Variants in TJP2 observed in about 807,000 individuals in gnomAD.
The protein encoded by TJP2 is tight junction protein 2.
In TJP2, 91 loss-of-function variants were observed where a neutral mutation model predicts 133.1. The observed-to-expected ratio is 0.68, with a 90% CI of 0.58 to 0.81. TJP2 has a LOEUF of 0.81. Ranked by LOEUF, TJP2 falls within the 40% of genes least tolerant of loss-of-function variation. The pLI is 0.00. For synonymous variants in TJP2, 592 were observed against 583.4 expected (o/e 1.01, Z -0.21); for missense variants, 1,541 against 1,565.6 (o/e 0.98, Z 0.26).
rs562558275 is a variant in TJP2, at chr9:69,161,448, C to A, written c.-10+9677C>A. ...TTCACCATCTTGGCTAGGCAGGTCT[C>A]GAACTCCTGACTTCGTGATCCATCC... On this transcript the variant is annotated intron_variant, in intron 2 of 5. Transcript: ENST00000423935. Among the ~76,000 whole-genome samples the A allele has an allele frequency of 1.0e-3, 154 of 152,194 alleles. 1 individual carries two copies. The highest frequency in any genetic ancestry group is 3.6e-3 in the African/African-American group (150 of 41,534).
intron 11 of TJP2, among the ~76,000 whole-genome samples, 156 bp downstream of exon 11, chr9:69,230,388 A>C (rs1588117820): frequency 6.6e-6 from 1 of 152,168 alleles, no homozygotes; most frequent in Admixed American, 6.5e-5. Context: ...TATTCCTCAA[A>C]TGCGTCCTGT....
chr9:69,220,772 G>A, intron 4 of TJP2, 115 bp from the exon 5 acceptor site: 1 of 985,802 alleles, frequency 1.0e-6, no homozygotes, highest in Non-Finnish European at 1.6e-6. Flanking sequence ...CTGAACCTTA[G>A]TGAGTCGGCA....
chr9:69,201,791 T>G (rs543827506), intron 1 of TJP2, among the ~76,000 whole-genome samples: 6 of 152,336 alleles, frequency 3.9e-5, no homozygotes, highest in African/African-American at 1.2e-4. Context: ...AGGGAGGAAC[T>G]TCTGACATAC....
rs2282334 is a variant in TJP2 at position 69,251,526 on chromosome 9, C to T, written c.3321+162C>T. On this transcript the variant is annotated intron_variant, in intron 21 of 22. Transcript: ENST00000377245. ...CACTTCAGATTGCCAGCTCCCAGCA[C>T]GTCCCTTGTTCTTCCAAAGAAGAAA... Among the ~76,000 whole-genome samples the T allele has an allele frequency of 0.27, 40,547 of 152,024 alleles. 6,361 individuals are homozygous for T. Among genetic ancestry groups the T allele is most frequent in the South Asian group, 0.35 (1,697 of 4,806 alleles).
At chr9:69,174,558 T>C (rs1260039018) in intron 1 of TJP2, 126 bp downstream of exon 1, 1 of 1,177,604 alleles carries the variant, frequency 8.5e-7, no homozygotes, top group East Asian at 2.6e-5. Flanking sequence ...GCTGGGATTC[T>C]CCCATCCGGA....
chr9:69,239,563 C>T (rs1830441465), intron 16 of TJP2, among the ~76,000 whole-genome samples: 1 of 152,226 alleles, frequency 6.6e-6, no homozygotes, highest in Non-Finnish European at 1.5e-5. Flanking sequence ...GTAATCCCAG[C>T]ACTTTGGGAG....
chr9:69,210,473 C>T (rs1224937028), intron 1 of TJP2, among the ~76,000 whole-genome samples: 1 of 152,166 alleles, frequency 6.6e-6, no homozygotes, highest in Non-Finnish European at 1.5e-5. Context: ...ACAAAAATTT[C>T]ACCTGAAAAT....
chr9:69,159,755 A>C (rs1823965840), intron 2 of TJP2, among the ~76,000 whole-genome samples: 2 of 151,970 alleles, frequency 1.3e-5, no homozygotes, highest in Non-Finnish European at 2.9e-5. Flanking sequence ...ACGCGCCTGT[A>C]GTCCCAGCTA....
chr9:69,238,676 A>G, intron 15 of TJP2, 34 bp from the exon 16 acceptor site: 1 of 1,582,582 alleles, frequency 6.3e-7, no homozygotes, highest in Non-Finnish European at 8.7e-7. Context: ...TGTTTTCTAA[A>G]CAATTATTTA....
At chr9:69,146,835 C>A (rs1302925879) in intron 1 of TJP2, among the ~76,000 whole-genome samples, 1 of 152,094 alleles carries the variant, frequency 6.6e-6, no homozygotes, top group Non-Finnish European at 1.5e-5. Context: ...CCCCCTGCAA[C>A]AACGAATTAT....
chr9:69,247,812 T>A (rs1207457826), intron 18 of TJP2, among the ~76,000 whole-genome samples, 200 bp from the exon 19 acceptor site: 3 of 151,994 alleles, frequency 2.0e-5, no homozygotes, highest in Non-Finnish European at 4.4e-5. Flanking sequence ...GGCCCCTAAT[T>A]TGAGTTCCTG....
At chr9:69,185,432 C>T (rs982846384) in intron 1 of TJP2, among the ~76,000 whole-genome samples, 2 of 152,142 alleles carry the variant, frequency 1.3e-5, no homozygotes, top group African/African-American at 4.8e-5. Flanking sequence ...GTAAGAGCTC[C>T]GTGTCACATA....
intron 1 of TJP2, among the ~76,000 whole-genome samples, chr9:69,134,914 T>C (rs1478982232): frequency 2.0e-5 from 3 of 150,690 alleles, no homozygotes; most frequent in Non-Finnish European, 3.0e-5. Context: ...CCTGGATGCA[T>C]TGTGTATGGA....
chr9:69,137,314 CTTTTCTTTTCTTTTCT>C (rs765584390), intron 1 of TJP2, among the ~76,000 whole-genome samples: 12 of 100,700 alleles, frequency 1.2e-4, no homozygotes, highest in Non-Finnish European at 1.4e-4. Context: ...CTTTTCTTTT[CTTTTCTTTTCTTTTCT>C]TTTTTTTTTT....
At chr9:69,229,995 A>G in intron 10 of TJP2, 87 bp from the exon 11 acceptor site, 6 of 1,525,818 alleles carry the variant, frequency 3.9e-6, no homozygotes, top group Non-Finnish European at 5.4e-6. Context: ...TGTAGCTAGA[A>G]GAAATTAAAT....
intron 5 of TJP2, among the ~76,000 whole-genome samples, chr9:69,224,709 A>ATAGCAAATAAACATATAACCTTCATC (rs1829197608): frequency 1.3e-5 from 2 of 152,214 alleles, no homozygotes; most frequent in African/African-American, 4.8e-5. Flanking sequence ...TGTTAATTTT[A>ATAGCAAATAAACATATAACCTTCATC]TAGCAAATAA....
At chr9:69,175,837 CTTTA>C (rs1287011484) in intron 1 of TJP2, among the ~76,000 whole-genome samples, 1 of 152,090 alleles carries the variant, frequency 6.6e-6, no homozygotes, top group Non-Finnish European at 1.5e-5. Context: ...AGTGGGGCCA[CTTTA>C]TTTCTTTTCA....
intron 17 of TJP2, among the ~76,000 whole-genome samples, chr9:69,240,846 T>C (rs971843938): frequency 5.3e-5 from 8 of 152,214 alleles, no homozygotes; most frequent in Admixed American, 5.2e-4. Flanking sequence ...ACTCTGAATA[T>C]TGGATGATTT....
rs998864606 is a variant in TJP2 at position 69,167,198 on chromosome 9, A to C, written c.-10+15427A>C. On this transcript the variant is annotated intron_variant, in intron 2 of 5. Transcript: ENST00000423935. ...CGTTGCAGTGAGCCTAGATCATGCC[A>C]CTGCACCCCAGCCTGGGCAACAGCA... is the stretch of plus-strand genomic sequence containing the variant. Among the ~76,000 whole-genome samples, 10 of 152,284 alleles carry C rather than the reference A, an allele frequency of 6.6e-5. No individual in the cohort carries two copies. In the South Asian group the frequency reaches 1.9e-3, roughly 28 times the overall value.
Sources: gnomAD v4.1 joint callset for allele counts (sites outside exome capture counted in the v4.1 genomes callset) on GRCh38, gnomAD v4.1.1 for gene constraint, MANE v1.5 for transcripts, NCBI Gene and HGNC (gene_info 2026-07-23, HGNC 2026-07-21) for gene names.